The following RABGEF1 variants were observed in gnomAD, a reference collection of about 807,000 sequenced individuals.
RABGEF1 encodes rab5 GDP/GTP exchange factor.
RABGEF1 carries 26 observed loss-of-function variants against 57.3 expected under a neutral mutation model. The ratio of observed to expected loss-of-function variants is 0.45; its 90% CI spans 0.33 to 0.63. The LOEUF (loss-of-function observed/expected upper bound fraction) is 0.63, where lower values mean the gene tolerates loss of function less well. Among genes scored for constraint, RABGEF1 ranks in the 20% least tolerant of loss-of-function variants. The pLI is 0.02. For missense variants in RABGEF1, 464 were observed against 607.6 expected, an observed-to-expected ratio of 0.76 and a Z score of 2.48; for synonymous variants, 185 against 210.7, an observed-to-expected ratio of 0.88 and a Z score of 1.06.
intron 2 of RABGEF1, among the ~76,000 whole-genome samples, chr7:66,721,170 C>T (rs1395783323): frequency 2.0e-5 from 3 of 152,164 alleles, no homozygotes; most frequent in Admixed American, 6.5e-5. Context: ...CTGCCGGCCT[C>T]GGCCTCCCAA....
intron 1 of RABGEF1, among the ~76,000 whole-genome samples, chr7:66,745,722 T>C (rs1439563053): frequency 6.6e-6 from 1 of 151,558 alleles, no homozygotes; most frequent in Non-Finnish European, 1.5e-5. Flanking sequence ...TGAGCCGAGA[T>C]TGTGCCACTG....
At chr7:66,799,195 G>T (rs1276022276) in intron 6 of RABGEF1, 128 bp from the exon 7 acceptor site, 2 of 638,436 alleles carry the variant, frequency 3.1e-6, no homozygotes, top group Non-Finnish European at 5.6e-6. Context: ...ACTTGCAGGG[G>T]TGATGTGTGT....
chr7:66,774,053 A>T (rs1807913449), intron 2 of RABGEF1: 1 of 283,620 alleles, frequency 3.5e-6, no homozygotes, highest in Non-Finnish European at 7.0e-6. Flanking sequence ...CGCATTCTGA[A>T]CATTTTCCTC....
chr7:66,693,283 C>A (rs1274978552), intron 1 of RABGEF1, among the ~76,000 whole-genome samples: 3 of 152,186 alleles, frequency 2.0e-5, no homozygotes, highest in Non-Finnish European at 2.9e-5. Context: ...TGTTTCCACC[C>A]CCCAGGGCAC....
intron 1 of RABGEF1, among the ~76,000 whole-genome samples, chr7:66,696,271 C>T (rs959857055): frequency 1.3e-5 from 2 of 151,794 alleles, no homozygotes; most frequent in Non-Finnish European, 2.9e-5. Context: ...TACCATGTTG[C>T]CCAGGCTAGT....
chr7:66,679,084 G>GT (rs758606337), upstream of RABGEF1, among the ~76,000 whole-genome samples: 14 of 152,186 alleles, frequency 9.2e-5, no homozygotes, highest in Non-Finnish European at 2.1e-4. Flanking sequence ...ATTGACGTTG[G>GT]TTTGGCTTTT....
At chr7:66,698,531 G>T (rs1486686180) in intron 1 of RABGEF1, among the ~76,000 whole-genome samples, 1 of 152,256 alleles carries the variant, frequency 6.6e-6, no homozygotes, top group Non-Finnish European at 1.5e-5. Context: ...CTGGACGATG[G>T]GTGAGGGGAG....
At chr7:66,715,762 G>A (rs1795318500) in intron 2 of RABGEF1, among the ~76,000 whole-genome samples, 1 of 151,356 alleles carries the variant, frequency 6.6e-6, no homozygotes. Flanking sequence ...TTTTTTTTTA[G>A]AGATGGGTCT....
chr7:66,803,097 A>G (rs1787657982), intron 7 of RABGEF1, among the ~76,000 whole-genome samples: 1 of 152,234 alleles, frequency 6.6e-6, no homozygotes, highest in Non-Finnish European at 1.5e-5. Flanking sequence ...GATCAATGTA[A>G]CAATAATTAT....
intron 1 of RABGEF1, among the ~76,000 whole-genome samples, chr7:66,685,557 A>T (rs1790496117): frequency 6.6e-6 from 1 of 152,210 alleles, no homozygotes; most frequent in African/African-American, 2.4e-5. Context: ...TTCTGTAAGG[A>T]TGTCTGACCC....
At position 66,693,249 on chromosome 7, in the gene RABGEF1, A is replaced by G. The variant is rs189780345; in HGVS notation, c.-873+10991A>G. Among the ~76,000 whole-genome samples the G allele has an allele frequency of 4.1e-3, 631 of 152,100 alleles. 4 individuals are homozygous for G. Among genetic ancestry groups the G allele is most frequent in the African/African-American group, 0.014 (580 of 41,458 alleles). ...TCCAGAGCCGGGCTGAATGGGTGGC[A>G]ATTGGAGACTTCACAGTCATGTATG... On this transcript the variant is annotated intron_variant and NMD_transcript_variant, in intron 1 of 9. Transcript: ENST00000607882.
In RABGEF1 at chr7:66,809,203, A is replaced by G; in HGVS notation, c.1395A>G (p.Gln465=). Residue 465 remains glutamine (Q), a synonymous_variant, in exon 9 of 9, where the codon CAA becomes CAG. Transcript: ENST00000284957. ...KYPLEIKPPN[Q]PLAAIDSENV... is the part of the protein sequence containing the mutation. ...CACTGGAAATTAAGCCTCCGAATCAACCGTTAGCAGCTATTGACTCTGAAA... is the reference window on the plus strand; with the variant it reads ...CACTGGAAATTAAGCCTCCGAATCAGCCGTTAGCAGCTATTGACTCTGAAA... 2.5e-6 allele frequency: 4 copies of G among 1,614,232 alleles called. No individual in the cohort carries two copies. Among genetic ancestry groups the G allele is most frequent in the Non-Finnish European group, 3.4e-6 (4 of 1,180,038 alleles).
At chr7:66,711,422 GC>G (rs1794763184) in intron 1 of RABGEF1, among the ~76,000 whole-genome samples, 1 of 119,836 alleles carries the variant, frequency 8.3e-6, no homozygotes, top group Non-Finnish European at 1.7e-5. Flanking sequence ...TTTTTTTTTT[GC>G]ATAAGCTGTG....
At chr7:66,686,754 T>C (rs967787508) in intron 1 of RABGEF1, among the ~76,000 whole-genome samples, 7 of 152,176 alleles carry the variant, frequency 4.6e-5, no homozygotes, top group Admixed American at 2.6e-4. Context: ...GTGAAATTCC[T>C]GTTTTCAATG....
the RABGEF1 span, among the ~76,000 whole-genome samples, chr7:66,656,185 C>G: frequency 1.4e-4 from 22 of 152,204 alleles, no homozygotes; most frequent in East Asian, 3.9e-3. Flanking sequence ...GACACGATCA[C>G]GAGTCACTGA....
At chr7:66,737,933 C>G (rs1798198275), upstream of RABGEF1, among the ~76,000 whole-genome samples, 1 of 152,164 alleles carries the variant, frequency 6.6e-6, no homozygotes, top group Non-Finnish European at 1.5e-5. Context: ...GCACAGCTGG[C>G]TCCCTCATCT....
At chr7:66,800,136 A>G (rs906669905) in intron 7 of RABGEF1, among the ~76,000 whole-genome samples, 1 of 152,334 alleles carries the variant, frequency 6.6e-6, no homozygotes, top group Admixed American at 6.5e-5. Context: ...ATGAAATTCT[A>G]TTGGAAAGGA....
intron 2 of RABGEF1, among the ~76,000 whole-genome samples, chr7:66,728,903 C>A (rs1239263425): frequency 8.2e-6 from 1 of 121,918 alleles, no homozygotes; most frequent in Non-Finnish European, 1.8e-5. Flanking sequence ...CTCACCTCCA[C>A]GCTCACCTGC....
At chr7:66,742,565 G>A (rs951042912) in intron 1 of RABGEF1, among the ~76,000 whole-genome samples, 3 of 152,128 alleles carry the variant, frequency 2.0e-5, no homozygotes, top group Non-Finnish European at 4.4e-5. Flanking sequence ...AGGGAGAGGG[G>A]GGAATCAAAG....
Sources: allele counts gnomAD v4.1 joint callset (sites outside exome capture counted in the v4.1 genomes callset), GRCh38; gene constraint gnomAD v4.1.1; transcripts MANE v1.5; gene names NCBI Gene and HGNC (gene_info 2026-07-23, HGNC 2026-07-21).